Variants in FBXL20 observed in about 807,000 individuals in gnomAD.
The protein encoded by FBXL20 is F-box/LRR-repeat protein 20.
In FBXL20, 11 loss-of-function variants were observed where a neutral mutation model predicts 64.0. The ratio of observed to expected loss-of-function variants is 0.17; its 90% confidence interval spans 0.11 to 0.28. The LOEUF (loss-of-function observed/expected upper bound fraction) is 0.28, where lower values mean the gene tolerates loss of function less well. FBXL20 is among the 10% of genes least tolerant of loss of function. The pLI is 1.00. For missense variants in FBXL20, 303 were observed against 526.2 expected, an observed-to-expected ratio of 0.58 and a Z score of 4.15; for synonymous variants, 184 against 189.0, an observed-to-expected ratio of 0.97 and a Z score of 0.22.
rs139552683 is a variant in FBXL20 at position 39,374,847 on chromosome 17, C to T, written c.42+26514G>A. Among the ~76,000 whole-genome samples, 199 of 152,068 alleles carry T rather than the reference C, an allele frequency of 1.3e-3. 2 individuals carry two copies. Among genetic ancestry groups the T allele is most frequent in the African/African-American group, 4.4e-3 (183 of 41,492 alleles). On this transcript the variant is annotated intron_variant, in intron 1 of 14. Coordinates refer to ENST00000264658, the MANE Select transcript of FBXL20 (RefSeq NM_032875.3). ...TCTCTTGCCAGGCTGGGTGTAGTAG[C>T]GTGATCTCGGCTCACTGCAACCTCC...
At chr17:39,290,966 T>C (rs148981243) in intron 6 of FBXL20, among the ~76,000 whole-genome samples, 7,992 of 146,904 alleles carry the variant, frequency 0.054, 233 homozygotes, top group Non-Finnish European at 0.079. Flanking sequence ...CATTCTGTAT[T>C]TTTTTTTTTT....
chr17:39,288,770 G>A (rs548482657), intron 6 of FBXL20, among the ~76,000 whole-genome samples: 3 of 151,282 alleles, frequency 2.0e-5, no homozygotes, highest in Non-Finnish European at 2.9e-5. Flanking sequence ...GTGCAGTGGC[G>A]CGATCTCGGA....
chr17:39,372,392 G>A (rs554819040), intron 1 of FBXL20, among the ~76,000 whole-genome samples: 3 of 150,774 alleles, frequency 2.0e-5, no homozygotes, highest in South Asian at 2.1e-4. Flanking sequence ...GGTGACGTGC[G>A]CCTGTAGTCC....
At chr17:39,303,529 C>T (rs1597785996) in intron 3 of FBXL20, 56 bp downstream of exon 3, 1 of 1,403,570 alleles carries the variant, frequency 7.1e-7, no homozygotes, top group Non-Finnish European at 9.8e-7. Flanking sequence ...ATGAAAGAGG[C>T]TGTTATCATC....
At chr17:39,380,105 A>C (rs1250385699) in intron 1 of FBXL20, among the ~76,000 whole-genome samples, 2 of 152,162 alleles carry the variant, frequency 1.3e-5, no homozygotes, top group Admixed American at 1.3e-4. Context: ...CTCCTTTCTC[A>C]TTTATTGCAA....
chr17:39,347,749 T>C (rs1245381676), intron 1 of FBXL20, among the ~76,000 whole-genome samples: 1 of 152,308 alleles, frequency 6.6e-6, no homozygotes, highest in Admixed American at 6.5e-5. Flanking sequence ...GGTGTTTTAG[T>C]CATGGAGTCC....
At chr17:39,369,191 C>T (rs940318105) in intron 1 of FBXL20, among the ~76,000 whole-genome samples, 4 of 151,118 alleles carry the variant, frequency 2.6e-5, no homozygotes, top group East Asian at 1.9e-4. Context: ...ATTTACCAAC[C>T]TTGTGGAGAT....
chr17:39,288,404 G>A (rs1200621833), intron 6 of FBXL20, among the ~76,000 whole-genome samples: 1 of 152,104 alleles, frequency 6.6e-6, no homozygotes, highest in East Asian at 1.9e-4. Context: ...ACTCTTGAGA[G>A]AAGCACTGTT....
chr17:39,352,977 G>GTT (rs2047702288), intron 1 of FBXL20, among the ~76,000 whole-genome samples: 1 of 152,072 alleles, frequency 6.6e-6, no homozygotes, highest in Non-Finnish European at 1.5e-5. Flanking sequence ...AAAGAGAGAG[G>GTT]TTATGTCCTT....
chr17:39,349,324 CAAAAAAAAAAAAAAAA>C (rs1170336581), intron 1 of FBXL20, among the ~76,000 whole-genome samples: 2 of 40,528 alleles, frequency 4.9e-5, no homozygotes, highest in African/African-American at 2.0e-4. Flanking sequence ...GATTCCATCT[CAAAAAAAAAAAAAAAA>C]AAAAAAAAAA....
intron 2 of FBXL20, among the ~76,000 whole-genome samples, chr17:39,311,141 T>C (rs1237510106): frequency 6.6e-6 from 1 of 152,142 alleles, no homozygotes; most frequent in Non-Finnish European, 1.5e-5. Flanking sequence ...CACTCTGGCC[T>C]GGACAACAGA....
At position 39,399,569 on chromosome 17, in the gene FBXL20, T is replaced by C. The variant is rs190537664; in HGVS notation, c.42+1792A>G. ...TCATATTAAGTGAATAGCTTTTAGT[T>C]TATAAACAAACACTTATTTAATCAT... On this transcript the variant is annotated intron_variant, in intron 1 of 14. Coordinates refer to ENST00000264658, the MANE Select transcript of FBXL20 (RefSeq NM_032875.3). Among the ~76,000 whole-genome samples, 18 of 152,330 alleles carry C rather than the reference T, an allele frequency of 1.2e-4. No homozygotes were observed. The East Asian group carries it at 3.1e-3, about 26-fold the overall frequency.
chr17:39,385,348 G>A (rs940164702), intron 1 of FBXL20, among the ~76,000 whole-genome samples: 5 of 150,082 alleles, frequency 3.3e-5, no homozygotes, highest in African/African-American at 1.2e-4. Flanking sequence ...CACATAAATG[G>A]TTACCTCTGG....
intron 2 of FBXL20, among the ~76,000 whole-genome samples, chr17:39,341,564 G>C (rs1227520539): frequency 2.0e-5 from 3 of 152,192 alleles, no homozygotes; most frequent in African/African-American, 7.2e-5. Context: ...ATATGTGACT[G>C]TGTATATATA....
intron 1 of FBXL20, among the ~76,000 whole-genome samples, chr17:39,394,559 T>C (rs988881950): frequency 6.7e-6 from 1 of 149,794 alleles, no homozygotes; most frequent in Non-Finnish European, 1.5e-5. Context: ...TTACAGAATT[T>C]TTCTTTTCTT....
At chr17:39,293,388 A>T (rs1033818077) in intron 6 of FBXL20, among the ~76,000 whole-genome samples, 29 of 151,218 alleles carry the variant, frequency 1.9e-4, no homozygotes, top group South Asian at 8.4e-4. Flanking sequence ...CGGCCTGGCT[A>T]ATTTTTGTAT....
chr17:39,356,554 C>T (rs2047742909), intron 1 of FBXL20, among the ~76,000 whole-genome samples: 1 of 152,106 alleles, frequency 6.6e-6, no homozygotes, highest in Admixed American at 6.5e-5. Flanking sequence ...CGGGATTTCG[C>T]CATGTTGCCT....
intron 11 of FBXL20, among the ~76,000 whole-genome samples, chr17:39,269,610 T>C (rs933022255): frequency 6.0e-5 from 9 of 151,242 alleles, no homozygotes; most frequent in East Asian, 3.9e-4. Context: ...GCGATTCTCC[T>C]GCCTCAGCCT....
At chr17:39,359,280 G>A (rs925596841) in intron 1 of FBXL20, among the ~76,000 whole-genome samples, 2 of 152,178 alleles carry the variant, frequency 1.3e-5, no homozygotes, top group Admixed American at 1.3e-4. Flanking sequence ...AAGTTGCAGT[G>A]AGCCAGGATT....
Sources: allele counts gnomAD v4.1 joint callset (sites outside exome capture counted in the v4.1 genomes callset), GRCh38; gene constraint gnomAD v4.1.1; transcripts MANE v1.5; gene names NCBI Gene and HGNC (gene_info 2026-07-23, HGNC 2026-07-21).